The following USP42 variants were observed in gnomAD, a reference collection of about 807,000 sequenced individuals.
The protein encoded by USP42 is ubiquitin carboxyl-terminal hydrolase 42.
A neutral mutation model predicts 113.0 loss-of-function variants in USP42; 23 were observed. The ratio of observed to expected loss-of-function variants is 0.20; its 90% CI spans 0.15 to 0.29. USP42 has a LOEUF of 0.29. Ranked by LOEUF, USP42 falls within the 10% of genes least tolerant of loss-of-function variation. USP42 has a pLI of 1.00. For synonymous variants in USP42, 933 were observed against 699.0 expected (o/e 1.33, Z -5.28); for missense variants, 2,174 against 1,779.8 (o/e 1.22, Z -3.99).
At chr7:6,137,619 A>T (rs564875578) in intron 4 of USP42, among the ~76,000 whole-genome samples, 2 of 151,868 alleles carry the variant, frequency 1.3e-5, no homozygotes, top group Non-Finnish European at 2.9e-5. Flanking sequence ...TGGCCTCCCA[A>T]AGTGCAGAGA....
chr7:6,122,309 TCTCA>T (rs1562814645), intron 3 of USP42, among the ~76,000 whole-genome samples: 2 of 149,330 alleles, frequency 1.3e-5, no homozygotes, highest in South Asian at 2.1e-4. Context: ...AAAGACAGGG[TCTCA>T]CTCACTCTGT....
chr7:6,138,910 A>C (rs1265632295), intron 4 of USP42, among the ~76,000 whole-genome samples, 182 bp from the exon 5 acceptor site: 2 of 152,184 alleles, frequency 1.3e-5, no homozygotes, highest in Non-Finnish European at 2.9e-5. Context: ...TGGGGATTCT[A>C]GTCTAAAGGG....
At chr7:6,091,226 C>T in the USP42 span, among the ~76,000 whole-genome samples, 55 of 150,806 alleles carry the variant, frequency 3.6e-4, no homozygotes, top group South Asian at 0.011. Context: ...CTTCTCTTCT[C>T]TTTTCTTTTC....
chr7:6,147,968 A>T, intron 12 of USP42, 76 bp downstream of exon 12: 1 of 1,433,454 alleles, frequency 7.0e-7, no homozygotes, highest in Non-Finnish European at 9.5e-7. Flanking sequence ...GTTGAATTGT[A>T]GTGGTTGCTG....
the USP42 span, among the ~76,000 whole-genome samples, chr7:6,099,685 G>A: frequency 1.3e-5 from 2 of 149,982 alleles, no homozygotes; most frequent in East Asian, 2.0e-4. Flanking sequence ...ATTACCATCC[G>A]GGCACAGTGG....
intron 7 of USP42, 53 bp from the exon 8 acceptor site, chr7:6,142,879 A>C: frequency 6.3e-7 from 1 of 1,590,714 alleles, no homozygotes; most frequent in Non-Finnish European, 8.6e-7. Flanking sequence ...GCAAGACCCA[A>C]ACACAAGTGA....
Position 6,147,817 on chromosome 7 carries a change from C to G in USP42, c.1311C>G (p.Ile437Met), listed in dbSNP as rs1781808698. Residue 437 changes from isoleucine to methionine, a missense_variant, in exon 12 of 18, where the codon ATC (isoleucine) becomes ATG (methionine). Transcript: ENST00000306177. ...SPGQSSPRPV[I>M]SQRVVTNKQA... ...GCCAGTCCTCTCCCCGCCCCGTCAT[C>G]AGTCAGCGGGTTGTCACCAACAAAC... 2 of 1,613,734 alleles carry G rather than the reference C, an allele frequency of 1.2e-6. No individual in the cohort carries two copies. Among genetic ancestry groups the G allele is most frequent in the Admixed American group, 1.7e-5 (1 of 59,986 alleles).
At position 6,139,543 on chromosome 7, in the gene USP42, T is replaced by C; in HGVS notation, c.656+349T>C. On this transcript the variant is annotated intron_variant, in intron 5 of 17. Coordinates refer to ENST00000306177, the MANE Select transcript of USP42 (RefSeq NM_032172.3). This position sits in a 1 kb window ranked among gnomAD's most constrained non-coding sequence, Gnocchi z 4.5. ...TGACATTTTCTTTTCTCTGCTGCCC[T>C]CCAGCCTGTGTTTATTTCCTGAACC... 1 of 212,110 alleles carries C rather than the reference T, an allele frequency of 4.7e-6. No homozygotes were observed. The allele number at this position is 212,110 out of a possible 1,614,324, so 13.1% of individuals were successfully genotyped here.
intron 3 of USP42, among the ~76,000 whole-genome samples, chr7:6,124,324 G>T (rs372218636): frequency 3.3e-5 from 5 of 152,058 alleles, no homozygotes; most frequent in East Asian, 3.9e-4. Flanking sequence ...CTGGAGTGCA[G>T]TGGCGCGATC....
chr7:6,142,197 A>G (rs1368307708), intron 7 of USP42, among the ~76,000 whole-genome samples: 1 of 151,552 alleles, frequency 6.6e-6, no homozygotes, highest in African/African-American at 2.4e-5. Context: ...TCATACTACT[A>G]AATGAAAATT....
chr7:6,105,383 G>A (rs1412542008), intron 1 of USP42, among the ~76,000 whole-genome samples: 1 of 149,194 alleles, frequency 6.7e-6, no homozygotes, highest in Non-Finnish European at 1.5e-5. Flanking sequence ...TTCGGCCTGG[G>A]GGCCGGGCAG....
In USP42 at chr7:6,150,215, C is replaced by T. The variant is rs778230149; in HGVS notation, c.2019C>T (p.Gly673=). Residue 673 remains glycine (G), a synonymous_variant, in exon 13 of 18, where the codon GGC becomes GGT. Coordinates refer to ENST00000306177, the MANE Select transcript of USP42 (RefSeq NM_032172.3). ...ADSDSDPKEN[G]LAPDGASCQG... ...GCGACAGTGACCCGAAAGAAAACGGCCTAGCGCCTGATGGTGCCAGCTGCC... is the reference window on the plus strand; with the variant it reads ...GCGACAGTGACCCGAAAGAAAACGGTCTAGCGCCTGATGGTGCCAGCTGCC... The T allele has an allele frequency of 1.2e-6, 2 of 1,613,904 alleles. No individual in the cohort carries two copies. The highest frequency in any genetic ancestry group is 1.7e-6 in the Non-Finnish European group (2 of 1,179,902).
At chr7:6,098,246 T>C in the USP42 span, among the ~76,000 whole-genome samples, 4 of 150,268 alleles carry the variant, frequency 2.7e-5, 1 homozygote, top group Non-Finnish European at 5.9e-5. Flanking sequence ...CCATGATGTA[T>C]CAGAACCTGC....
intron 3 of USP42, among the ~76,000 whole-genome samples, chr7:6,127,543 G>A (rs147380273): frequency 7.3e-5 from 11 of 151,692 alleles, no homozygotes; most frequent in African/African-American, 9.7e-5. Flanking sequence ...AGCTGTCTTT[G>A]TTGAATTGCT....
At chr7:6,112,261 T>C (rs1583578193) in intron 2 of USP42, among the ~76,000 whole-genome samples, 1 of 152,032 alleles carries the variant, frequency 6.6e-6, no homozygotes, top group African/African-American at 2.4e-5. Context: ...CCAGTCTGGC[T>C]AATATGGTGA....
the USP42 span, among the ~76,000 whole-genome samples, chr7:6,091,990 CT>C: frequency 1.7e-5 from 1 of 58,474 alleles, no homozygotes; most frequent in Non-Finnish European, 4.1e-5. Flanking sequence ...TCTTCTTCTT[CT>C]TCTTCTTCTT....
rs34404773 is a variant in USP42 at position 6,129,559 on chromosome 7, GA to G, written c.443-6264del. 7.1e-3 allele frequency among the ~76,000 whole-genome samples: 734 copies of G among 103,302 alleles called. 2 individuals are homozygous for G. Among genetic ancestry groups the G allele is most frequent in the Middle Eastern group, 0.011 (2 of 178 alleles). The allele number at this position is 103,302 out of a possible 152,430, so 67.8% of individuals were successfully genotyped here. ...GTGACAAAGTGAGGCTCTGCCTCAG[GA>G]AAAAAAAAAAAAAAAAAGGACGAGG... On this transcript the variant is annotated intron_variant, in intron 3 of 17. Transcript: ENST00000306177.
intron 3 of USP42, among the ~76,000 whole-genome samples, chr7:6,127,127 GTTC>G (rs527974957): frequency 9.7e-4 from 148 of 152,274 alleles, no homozygotes; most frequent in Middle Eastern, 3.4e-3. Context: ...ATCTGTTTGT[GTTC>G]TTTGGTGAAA....
In USP42 at chr7:6,114,656, G is replaced by GTATATA. The variant is rs71008362; in HGVS notation, c.242-649_242-644dup. On this transcript the variant is annotated intron_variant, in intron 2 of 17. Coordinates refer to ENST00000306177, the MANE Select transcript of USP42 (RefSeq NM_032172.3). The stretch of plus-strand genomic sequence containing the variant: ...TGTGTGTATATATGTATGTGTGTGT[G>GTATATA]TATATATATATATATATATATATTT... Among the ~76,000 whole-genome samples the GTATATA allele has an allele frequency of 3.7e-3, 221 of 60,498 alleles. 6 individuals are homozygous for GTATATA. The highest frequency in any genetic ancestry group is 0.023 in the East Asian group (27 of 1,150). 39.7% of individuals were successfully genotyped at this position (60,498 alleles called of 152,430 possible).
Sources: allele counts gnomAD v4.1 joint callset (sites outside exome capture counted in the v4.1 genomes callset), GRCh38; gene constraint gnomAD v4.1.1; non-coding constraint Gnocchi (gnomAD v3.1); transcripts MANE v1.5; gene names NCBI Gene and HGNC (gene_info 2026-07-23, HGNC 2026-07-21).